The following DPYSL2 variants were observed in gnomAD, a reference collection of about 807,000 sequenced individuals.
DPYSL2 encodes dihydropyrimidinase like 2, also known as dihydropyrimidinase-related protein 2.
A neutral mutation model predicts 69.9 loss-of-function variants in DPYSL2; 13 were observed. The ratio of observed to expected loss-of-function variants is 0.19; its 90% CI spans 0.12 to 0.30. The LOEUF is 0.30. Ranked by LOEUF, DPYSL2 falls within the 10% of genes least tolerant of loss-of-function variation. The probability of loss-of-function intolerance (pLI) is 1.00; values close to 1 mark genes in which losing one functional copy is unlikely to be tolerated. For synonymous variants in DPYSL2, 326 were observed against 359.1 expected (o/e 0.91, Z 1.04); for missense variants, 587 against 918.9 (o/e 0.64, Z 4.67).
At position 26,588,740 on chromosome 8, in the gene DPYSL2, C is replaced by T. The variant is rs1029737358; in HGVS notation, c.628+4757C>T. ...TGGCTCCCTGGATGTGCATCAGGCA[C>T]CTCCATCCAACTGTCCCCAGTTGGA... is the stretch of plus-strand genomic sequence containing the variant. On this transcript the variant is annotated intron_variant, in intron 3 of 13. Transcript: ENST00000521913. The surrounding 1 kb of genome is among the most constrained non-coding windows in gnomAD (Gnocchi z 5.4). 6.6e-6 allele frequency among the ~76,000 whole-genome samples: 1 copy of T among 152,162 alleles called. No homozygotes were observed. Among genetic ancestry groups the T allele is most frequent in the Non-Finnish European group, 1.5e-5 (1 of 68,022 alleles).
intron 1 of DPYSL2, among the ~76,000 whole-genome samples, chr8:26,518,741 C>T (rs1171165373): frequency 1.3e-5 from 2 of 152,176 alleles, no homozygotes; most frequent in East Asian, 1.9e-4. Flanking sequence ...TAGCATAATG[C>T]CCTTAAGGTT....
At position 26,657,468 on chromosome 8, in the gene DPYSL2, A is replaced by C. The variant is rs1233928515; in HGVS notation, c.*1762A>C. On this transcript the variant is annotated 3_prime_UTR_variant, in exon 14 of 14. Coordinates refer to ENST00000521913, the MANE Select transcript of DPYSL2 (RefSeq NM_001197293.3). ...GCGTAAAAACATCACAAAGTAGGTC[A>C]TTCCATCACCACCCTTGTCTCTCTA... 2 of 152,648 alleles carry C rather than the reference A, an allele frequency of 1.3e-5. No homozygotes were observed. The highest frequency in any genetic ancestry group is 2.9e-5 in the Non-Finnish European group (2 of 68,040). 9.5% of individuals were successfully genotyped at this position (152,648 alleles called of 1,614,324 possible).
intron 1 of DPYSL2, among the ~76,000 whole-genome samples, chr8:26,546,763 CA>C (rs1157091689): frequency 6.7e-6 from 1 of 149,196 alleles, no homozygotes. Flanking sequence ...ACTAAAAATT[CA>C]AAAAAAATTA....
intron 8 of DPYSL2, among the ~76,000 whole-genome samples, chr8:26,639,125 C>T (rs1435680308): frequency 1.3e-5 from 2 of 152,164 alleles, no homozygotes; most frequent in Non-Finnish European, 1.5e-5. Flanking sequence ...GTGACTCAAA[C>T]GTTATGAGAA....
At position 26,647,409 on chromosome 8, in the gene DPYSL2, C is replaced by A. The variant is rs1803190463; in HGVS notation, c.1426-221C>A. Among the ~76,000 whole-genome samples the A allele has an allele frequency of 6.6e-6, 1 of 152,168 alleles. No homozygotes were observed. Among genetic ancestry groups the A allele is most frequent in the African/African-American group, 2.4e-5 (1 of 41,434 alleles). ...TAACCCTGGAAGAACCCATCTAGCC[C>A]CTCATCTGTTCTCCATCTCTACCAT... is the stretch of plus-strand genomic sequence containing the variant. On this transcript the variant is annotated intron_variant, in intron 10 of 13. Coordinates refer to ENST00000521913, the MANE Select transcript of DPYSL2 (RefSeq NM_001197293.3). The surrounding 1 kb of genome is among the most constrained non-coding windows in gnomAD (Gnocchi z 5.1).
chr8:26,542,760 A>G (rs117442130), intron 1 of DPYSL2, among the ~76,000 whole-genome samples: 2,128 of 152,270 alleles, frequency 0.014, 28 homozygotes, highest in Middle Eastern at 0.024. Flanking sequence ...TACATGCATT[A>G]TAGGAAAGTG....
At chr8:26,527,238 T>C (rs17055407) in intron 1 of DPYSL2, among the ~76,000 whole-genome samples, 2,372 of 152,308 alleles carry the variant, frequency 0.016, 54 homozygotes, top group African/African-American at 0.052. Flanking sequence ...CTCTTTTTGT[T>C]TCTCAATATG....
At position 26,597,775 on chromosome 8, in the gene DPYSL2, C is replaced by CTTTTT. The variant is rs374599797; in HGVS notation, c.628+13808_628+13812dup. On this transcript the variant is annotated intron_variant, in intron 3 of 13. Coordinates refer to ENST00000521913, the MANE Select transcript of DPYSL2 (RefSeq NM_001197293.3). The surrounding 1 kb of genome is among the most constrained non-coding windows in gnomAD (Gnocchi z 5.2). ...AGGCAAGAGCCACCGCACCTGGCCT[C>CTTTTT]TTTTTTTTTTTTTTTTTTTTGAGGG... Among the ~76,000 whole-genome samples the CTTTTT allele has an allele frequency of 7.9e-6, 1 of 127,158 alleles. No individual in the cohort carries two copies. The allele number at this position is 127,158 out of a possible 152,430, so 83.4% of individuals were successfully genotyped here.
intron 3 of DPYSL2, among the ~76,000 whole-genome samples, chr8:26,584,452 T>A (rs901125351): frequency 6.6e-6 from 1 of 152,066 alleles, no homozygotes; most frequent in Non-Finnish European, 1.5e-5. Flanking sequence ...TCCTCTGATA[T>A]GAAAATCAAA....
chr8:26,578,723 C>T (rs1322148194), intron 1 of DPYSL2, among the ~76,000 whole-genome samples: 2 of 152,190 alleles, frequency 1.3e-5, no homozygotes, highest in Admixed American at 6.5e-5. Flanking sequence ...GGATCCTCCC[C>T]GGGTCTTCCG....
At chr8:26,538,606 C>T (rs1800633539) in intron 1 of DPYSL2, among the ~76,000 whole-genome samples, 1 of 152,152 alleles carries the variant, frequency 6.6e-6, no homozygotes, top group South Asian at 2.1e-4. Flanking sequence ...GATGTTCCTG[C>T]CTTGAGGAAG....
chr8:26,529,877 G>T (rs946470257), intron 1 of DPYSL2, among the ~76,000 whole-genome samples: 1 of 151,648 alleles, frequency 6.6e-6, no homozygotes, highest in Admixed American at 6.6e-5. Flanking sequence ...TTGGGAGGCA[G>T]AGGTGAGGGG....
rs1808248976 is a variant in DPYSL2, at chr8:26,514,831, G to A, written c.354+152G>A. Among the ~76,000 whole-genome samples the A allele has an allele frequency of 6.6e-6, 1 of 152,140 alleles. No individual in the cohort carries two copies. Among genetic ancestry groups the A allele is most frequent in the African/African-American group, 2.4e-5 (1 of 41,460 alleles). ...ACCCCGCCCTACCCGCCCCTTCTCC[G>A]CGCAGGGTGCGGCGAGGCTCGGGCT... On this transcript the variant is annotated intron_variant, in intron 1 of 13. Transcript: ENST00000521913. This position sits in a 1 kb window ranked among gnomAD's most constrained non-coding sequence, Gnocchi z 8.4.
chr8:26,628,546 C>T (rs1157461914), intron 7 of DPYSL2, among the ~76,000 whole-genome samples: 1 of 152,162 alleles, frequency 6.6e-6, no homozygotes, highest in Non-Finnish European at 1.5e-5. Context: ...AACCTGTGTT[C>T]ATCAGTTAGA....
At chr8:26,632,926 A>G (rs1802813414) in intron 7 of DPYSL2, among the ~76,000 whole-genome samples, 1 of 152,220 alleles carries the variant, frequency 6.6e-6, no homozygotes, top group South Asian at 2.1e-4. Flanking sequence ...ATCCCTTTTC[A>G]CATAGTTGAT....
intron 1 of DPYSL2, among the ~76,000 whole-genome samples, chr8:26,569,354 C>CAAAAAAAAAAAA (rs771471331): frequency 1.9e-4 from 10 of 52,250 alleles, no homozygotes; most frequent in Admixed American, 5.4e-4. Flanking sequence ...ACCCTATCTC[C>CAAAAAAAAAAAA]AAAAAAAAAA....
In DPYSL2 at chr8:26,571,859, G is replaced by A. The variant is rs1801241707; in HGVS notation, c.355-10110G>A. ...TGGGCAGGTTCCGATCCAATCTGCA[G>A]TCTCTGACCCTTCAGAGCTACACAC... is the stretch of plus-strand genomic sequence containing the variant. On this transcript the variant is annotated intron_variant, in intron 1 of 13. Coordinates refer to ENST00000521913, the MANE Select transcript of DPYSL2 (RefSeq NM_001197293.3). This position sits in a 1 kb window ranked among gnomAD's most constrained non-coding sequence, Gnocchi z 6.1. Among the ~76,000 whole-genome samples the A allele has an allele frequency of 6.6e-6, 1 of 152,180 alleles. No individual in the cohort carries two copies. Among genetic ancestry groups the A allele is most frequent in the Admixed American group, 6.5e-5 (1 of 15,278 alleles).
rs1019075483 is a variant in DPYSL2, at chr8:26,591,397, C to T, written c.628+7414C>T. Among the ~76,000 whole-genome samples, 12 of 152,184 alleles carry T rather than the reference C, an allele frequency of 7.9e-5. No individual in the cohort carries two copies. Among genetic ancestry groups the T allele is most frequent in the Admixed American group, 5.2e-4 (8 of 15,274 alleles). On this transcript the variant is annotated intron_variant, in intron 3 of 13. Transcript: ENST00000521913. The surrounding 1 kb of genome is among the most constrained non-coding windows in gnomAD (Gnocchi z 5.8). ...CCTTATTGCTAGATGAAAGCTTCCA[C>T]GACACACATGTGTCTAAGTGTGCCC...
At chr8:26,601,754 A>C (rs1374568674) in intron 3 of DPYSL2, among the ~76,000 whole-genome samples, 1 of 152,202 alleles carries the variant, frequency 6.6e-6, no homozygotes, top group Non-Finnish European at 1.5e-5. Context: ...AAACAGGAGA[A>C]TTTTTACTGA....
Sources: allele counts gnomAD v4.1 joint callset (sites outside exome capture counted in the v4.1 genomes callset), GRCh38; gene constraint gnomAD v4.1.1; non-coding constraint Gnocchi (gnomAD v3.1); transcripts MANE v1.5; gene names NCBI Gene and HGNC (gene_info 2026-07-23, HGNC 2026-07-21).